ZPLD1: variants seen among roughly 807,000 people sequenced by gnomAD.
ZPLD1 encodes zona pellucida like domain containing 1.
Under a neutral mutation model 47.2 loss-of-function variants are expected in ZPLD1, and 34 were observed. The observed-to-expected ratio is 0.72, with a 90% CI of 0.55 to 0.96. The LOEUF is 0.96. Ranked by LOEUF, ZPLD1 falls within the 40% of genes least tolerant of loss-of-function variation. The pLI, the probability that ZPLD1 is intolerant of heterozygous loss-of-function variation, is 0.00. For synonymous variants in ZPLD1, 176 were observed against 186.2 expected, an observed-to-expected ratio of 0.95 and a Z score of 0.45; for missense variants, 512 against 505.8, an observed-to-expected ratio of 1.01 and a Z score of -0.12.
At chr3:102,453,200 C>T in intron 4 of ZPLD1, 61 bp downstream of exon 4, 6 of 1,441,168 alleles carry the variant, frequency 4.2e-6, no homozygotes, top group Admixed American at 1.9e-5. Flanking sequence ...CTCCCCATTT[C>T]ATGAAAGAAT....
upstream of ZPLD1, among the ~76,000 whole-genome samples, chr3:102,434,350 A>G (rs964009992): frequency 2.6e-5 from 4 of 152,220 alleles, no homozygotes; most frequent in African/African-American, 7.2e-5. Context: ...TCTGACTCCA[A>G]ATTTAATTCT....
chr3:102,414,528 G>A (rs1374509498), intron 7 of ZPLD1, among the ~76,000 whole-genome samples: 2 of 151,772 alleles, frequency 1.3e-5, no homozygotes, highest in African/African-American at 2.4e-5. Context: ...AAATAAGTAA[G>A]CTTAAGTAAT....
At chr3:102,473,329 G>A (rs1240902689) in intron 10 of ZPLD1, among the ~76,000 whole-genome samples, 1 of 152,140 alleles carries the variant, frequency 6.6e-6, no homozygotes, top group Admixed American at 6.5e-5. Flanking sequence ...CAGGTTTATA[G>A]GTTTCATCCA....
chr3:102,459,666 G>A (rs2107344203), intron 6 of ZPLD1, among the ~76,000 whole-genome samples: 1 of 152,256 alleles, frequency 6.6e-6, no homozygotes, highest in East Asian at 1.9e-4. Flanking sequence ...AATAGATGGT[G>A]CCAAAATACT....
At chr3:102,408,115 T>C (rs1222380832) in intron 7 of ZPLD1, among the ~76,000 whole-genome samples, 1 of 151,944 alleles carries the variant, frequency 6.6e-6, no homozygotes, top group Non-Finnish European at 1.5e-5. Flanking sequence ...AGGGTTGTTA[T>C]GGTGATATGA....
chr3:102,472,137 T>C (rs2107357434), intron 10 of ZPLD1, among the ~76,000 whole-genome samples: 1 of 152,282 alleles, frequency 6.6e-6, no homozygotes. Context: ...AAAAACAAAC[T>C]AATAGGCCCT....
intron 7 of ZPLD1, among the ~76,000 whole-genome samples, chr3:102,396,167 G>A (rs1052444887): frequency 1.3e-5 from 2 of 152,096 alleles, no homozygotes; most frequent in Admixed American, 6.6e-5. Flanking sequence ...ATAGTCCATC[G>A]CAATGCATGA....
intron 3 of ZPLD1, among the ~76,000 whole-genome samples, chr3:102,442,737 C>T (rs1213581500): frequency 6.6e-6 from 1 of 152,076 alleles, no homozygotes; most frequent in African/African-American, 2.4e-5. Context: ...ATCATCTCAC[C>T]CTATGTGACC....
intron 8 of ZPLD1, among the ~76,000 whole-genome samples, chr3:102,424,873 T>C (rs540109750): frequency 6.6e-6 from 1 of 152,212 alleles, no homozygotes; most frequent in Non-Finnish European, 1.5e-5. Flanking sequence ...ACCAATATTC[T>C]AGCACATTAT....
chr3:102,469,196 A>G (rs1232831987), intron 9 of ZPLD1, 61 bp downstream of exon 9: 1 of 1,524,366 alleles, frequency 6.6e-7, no homozygotes, highest in South Asian at 1.3e-5. Flanking sequence ...AAGGTTATCA[A>G]ATGTCAGAAA....
At chr3:102,435,637 ATTT>A (rs60085952) in intron 1 of ZPLD1, among the ~76,000 whole-genome samples, 6 of 117,366 alleles carry the variant, frequency 5.1e-5, no homozygotes, top group Admixed American at 9.0e-5. Flanking sequence ...CATCATCTTG[ATTT>A]TTTTTTTTTT....
chr3:102,388,927 A>G (rs1284402767), intron 6 of ZPLD1, among the ~76,000 whole-genome samples: 1 of 152,208 alleles, frequency 6.6e-6, no homozygotes, highest in African/African-American at 2.4e-5. Context: ...TTTAATCAAT[A>G]TTCCTATTTT....
intron 7 of ZPLD1, among the ~76,000 whole-genome samples, chr3:102,403,745 G>A (rs192250914): frequency 2.0e-5 from 3 of 151,974 alleles, no homozygotes; most frequent in East Asian, 1.9e-4. Flanking sequence ...TGAGTGGTAG[G>A]TGGGCCATAA....
rs996512121 is a variant in ZPLD1 at position 102,446,474 on chromosome 3, C to A, written c.107-6445C>A. On this transcript the variant is annotated intron_variant, in intron 3 of 11. Coordinates refer to ENST00000466937, the MANE Select transcript of ZPLD1 (RefSeq NM_001329788.2). ...AAATTTGTATTTCTTGTTTTCTGTC[C>A]CCAAATATTAGACTCATATTTCCAA... Among the ~76,000 whole-genome samples the A allele has an allele frequency of 1.7e-4, 26 of 151,892 alleles. 1 individual carries two copies. The highest frequency in any genetic ancestry group is 7.4e-5 in the Non-Finnish European group (5 of 68,010).
intron 8 of ZPLD1, among the ~76,000 whole-genome samples, chr3:102,464,519 G>A (rs2107348899): frequency 6.6e-6 from 1 of 152,280 alleles, no homozygotes; most frequent in South Asian, 2.1e-4. Flanking sequence ...TTAGGAATAT[G>A]GGAATATTTC....
At chr3:102,464,821 T>C (rs1383463984) in intron 8 of ZPLD1, among the ~76,000 whole-genome samples, 1 of 152,202 alleles carries the variant, frequency 6.6e-6, no homozygotes, top group Non-Finnish European at 1.5e-5. Flanking sequence ...AAAAGGACAT[T>C]GATCATAAAA....
chr3:102,465,635 A>C (rs2107349881), intron 8 of ZPLD1, among the ~76,000 whole-genome samples: 1 of 152,224 alleles, frequency 6.6e-6, no homozygotes, highest in African/African-American at 2.4e-5. Context: ...GATAATCTGG[A>C]ATATGATCAT....
chr3:102,406,804 A>G (rs879826255), intron 7 of ZPLD1, among the ~76,000 whole-genome samples: 10 of 151,950 alleles, frequency 6.6e-5, no homozygotes, highest in Non-Finnish European at 1.3e-4. Flanking sequence ...TTCAGAGCCT[A>G]TCTTTCTCTT....
At chr3:102,427,641 T>C (rs996702356) in intron 8 of ZPLD1, among the ~76,000 whole-genome samples, 2 of 152,174 alleles carry the variant, frequency 1.3e-5, no homozygotes, top group Non-Finnish European at 2.9e-5. Context: ...ATTTCACATA[T>C]GAAGTAGTTG....
Sources: allele counts gnomAD v4.1 joint callset (sites outside exome capture counted in the v4.1 genomes callset), GRCh38; gene constraint gnomAD v4.1.1; transcripts MANE v1.5; gene names NCBI Gene and HGNC (gene_info 2026-07-23, HGNC 2026-07-21).